The following EML5 variants were observed in gnomAD, a reference collection of about 807,000 sequenced individuals.
EML5 encodes the protein EMAP like 5, also known as echinoderm microtubule-associated protein-like 5.
A neutral mutation model predicts 250.0 loss-of-function variants in EML5; 120 were observed. The ratio of observed to expected loss-of-function variants is 0.48; its 90% CI spans 0.41 to 0.56. EML5 has a LOEUF of 0.56. Ranked by LOEUF, EML5 falls within the 20% of genes least tolerant of loss-of-function variation. The probability of loss-of-function intolerance (pLI) is 0.00; values close to 1 mark genes in which losing one functional copy is unlikely to be tolerated. For missense variants in EML5, 2,006 were observed against 2,437.6 expected, an observed-to-expected ratio of 0.82 and a Z score of 3.73; for synonymous variants, 771 against 806.5, an observed-to-expected ratio of 0.96 and a Z score of 0.75.
At chr14:88,707,872 C>G (rs2093344744) in intron 10 of EML5, among the ~76,000 whole-genome samples, 1 of 152,172 alleles carries the variant, frequency 6.6e-6, no homozygotes, top group South Asian at 2.1e-4. Flanking sequence ...GCTACTACTA[C>G]TACCTTTGAT....
rs376073448 is a variant in EML5 at position 88,618,239 on chromosome 14, A to G, written c.5631T>C (p.Ala1877=). ...DHAAIDRITW[A]TWTSILGDEV... is the part of the protein sequence containing the mutation. The stretch of plus-strand genomic sequence containing the variant: ...ATATAAGTATTTACCTAGTCCATGT[A>G]GCCCAAGTAATTCTGTCAATAGCGG... The change falls in exon 41 of 44, where the codon GCT becomes GCC. Residue 1877 remains alanine, a synonymous_variant. Transcript: ENST00000554922. 16 of 1,613,696 alleles carry G rather than the reference A, an allele frequency of 9.9e-6. No homozygotes were observed. Among genetic ancestry groups the G allele is most frequent in the Non-Finnish European group, 1.2e-5 (14 of 1,179,770 alleles).
At position 88,642,944 on chromosome 14, in the gene EML5, C is replaced by A; in HGVS notation, c.4186G>T (p.Asp1396Tyr). Residue 1396 changes from aspartate (D) to tyrosine (Y), a missense_variant, in exon 31 of 44, where the codon GAT becomes TAT. Coordinates refer to ENST00000554922, the MANE Select transcript of EML5 (RefSeq NM_183387.3). ...NNVHYLNDGD[D>Y]IIYHTASVGI... ...ACAGATGCAGTGTGATAAATTATATCATCACCATCATTTAAATAGTGAACA... is the reference window on the plus strand; with the variant it reads ...ACAGATGCAGTGTGATAAATTATATAATCACCATCATTTAAATAGTGAACA... The A allele has an allele frequency of 6.2e-7, 1 of 1,606,012 alleles. No homozygotes were observed. The highest frequency in any genetic ancestry group is 1.1e-5 in the South Asian group (1 of 88,978).
At chr14:88,648,469 A>G (rs2091462066) in intron 28 of EML5, among the ~76,000 whole-genome samples, 1 of 152,054 alleles carries the variant, frequency 6.6e-6, no homozygotes, top group Non-Finnish European at 1.5e-5. Context: ...TCTTCCTGCC[A>G]CAGCATCCCA....
Position 88,723,417 on chromosome 14 carries a change from A to G in EML5, c.1187+3124T>C, listed in dbSNP as rs926577731. 2.0e-5 allele frequency among the ~76,000 whole-genome samples: 3 copies of G among 152,204 alleles called. No individual in the cohort carries two copies. In the East Asian group the frequency reaches 5.8e-4, roughly 29 times the overall value. ...TCTAAAAAAGTCAAACATAGCAGAGAGTAGATTGGTGGTTAACAGGGATTA... is the reference window on the plus strand; with the variant it reads ...TCTAAAAAAGTCAAACATAGCAGAGGGTAGATTGGTGGTTAACAGGGATTA... On this transcript the variant is annotated intron_variant, in intron 8 of 43. Transcript: ENST00000554922.
At chr14:88,718,612 T>C (rs887415574) in intron 8 of EML5, among the ~76,000 whole-genome samples, 2 of 152,148 alleles carry the variant, frequency 1.3e-5, no homozygotes, top group Admixed American at 1.3e-4. Flanking sequence ...AGGGTACAAT[T>C]AGTCAGTGTT....
chr14:88,741,175 AT>A (rs199563602), intron 4 of EML5, among the ~76,000 whole-genome samples: 2 of 151,976 alleles, frequency 1.3e-5, no homozygotes, highest in African/African-American at 4.8e-5. Flanking sequence ...AAAAAAAAAA[AT>A]TTTAGGTTAA....
At position 88,642,527 on chromosome 14, in the gene EML5, C is replaced by T. The variant is rs138263201; in HGVS notation, c.4237+366G>A. Among the ~76,000 whole-genome samples the T allele has an allele frequency of 1.1e-4, 17 of 152,256 alleles. No individual in the cohort carries two copies. The East Asian group carries it at 3.3e-3, about 29-fold the overall frequency. On this transcript the variant is annotated intron_variant, in intron 31 of 43. Coordinates refer to ENST00000554922, the MANE Select transcript of EML5 (RefSeq NM_183387.3). ...TCACCCAACATGCTACATTCAATCA[C>T]TATCAGAAACCACCATCCAAACCAT...
At chr14:88,640,440 C>T (rs1194850337) in intron 31 of EML5, among the ~76,000 whole-genome samples, 3 of 151,964 alleles carry the variant, frequency 2.0e-5, no homozygotes, top group African/African-American at 7.3e-5. Flanking sequence ...ATAACTTGCT[C>T]CTGAATGACT....
intron 8 of EML5, among the ~76,000 whole-genome samples, chr14:88,716,787 T>C (rs753540032): frequency 7.3e-5 from 11 of 150,448 alleles, no homozygotes; most frequent in South Asian, 2.1e-4. Flanking sequence ...CAGAGAGAGA[T>C]TGTGGTTGAC....
At chr14:88,706,023 T>C in intron 11 of EML5, 2 of 551,886 alleles carry the variant, frequency 3.6e-6, no homozygotes, top group Non-Finnish European at 6.4e-6. Flanking sequence ...AATATAACTG[T>C]TTCTTCACTC....
chr14:88,635,737 A>C (rs1268687257), intron 32 of EML5, among the ~76,000 whole-genome samples: 1 of 152,066 alleles, frequency 6.6e-6, no homozygotes, highest in African/African-American at 2.4e-5. Context: ...TATGAACTGG[A>C]TGTCTGTCTT....
At chr14:88,651,137 T>C (rs1032218375) in intron 27 of EML5, among the ~76,000 whole-genome samples, 12 of 149,390 alleles carry the variant, frequency 8.0e-5, no homozygotes, top group African/African-American at 3.0e-4. Flanking sequence ...CATTGATGAC[T>C]TCTGCCTTGT....
chr14:88,669,289 G>C (rs912446804), intron 21 of EML5, among the ~76,000 whole-genome samples: 9 of 152,168 alleles, frequency 5.9e-5, no homozygotes, highest in African/African-American at 1.9e-4. Flanking sequence ...CCAAGTTCCT[G>C]GGGGAAGGGA....
intron 27 of EML5, 125 bp downstream of exon 27, chr14:88,657,251 C>T (rs2091906518): frequency 1.1e-6 from 1 of 907,324 alleles, no homozygotes; most frequent in East Asian, 2.8e-5. Context: ...CTAAGAGGTG[C>T]TGTGAATTGT....
chr14:88,776,718 C>CAAA (rs35613883), intron 1 of EML5, among the ~76,000 whole-genome samples: 6 of 144,912 alleles, frequency 4.1e-5, no homozygotes, highest in African/African-American at 1.5e-4. Context: ...CTGTCTCTAC[C>CAAA]AAAAAAAAAA....
At chr14:88,666,779 T>C (rs1947560997) in intron 21 of EML5, among the ~76,000 whole-genome samples, 2 of 151,984 alleles carry the variant, frequency 1.3e-5, no homozygotes, top group African/African-American at 4.8e-5. Context: ...CCCTAAGGAT[T>C]TTGGTATCTT....
At chr14:88,628,072 GC>G in intron 33 of EML5, 2 of 492,110 alleles carry the variant, frequency 4.1e-6, no homozygotes, top group Non-Finnish European at 7.4e-6. Flanking sequence ...TGGAAAAACA[GC>G]ATTTAGACAA....
At chr14:88,671,312 T>C (rs771785208) in intron 21 of EML5, among the ~76,000 whole-genome samples, 1 of 152,070 alleles carries the variant, frequency 6.6e-6, no homozygotes, top group East Asian at 1.9e-4. Flanking sequence ...CTAAGCCTCA[T>C]AAGTGAAGGA....
Position 88,621,304 on chromosome 14 carries a change from G to A in EML5, c.5014-3C>T, listed in dbSNP as rs374230213. On this transcript the variant is annotated splice_polypyrimidine_tract_variant and splice_region_variant and intron_variant, in intron 37 of 43. Coordinates refer to ENST00000554922, the MANE Select transcript of EML5 (RefSeq NM_183387.3). Reference sequence around the variant, plus strand: ...CTTGTCCCAACAAGGATCTTGCCCTGAAACACAAGCAGGACCAATACAGTG... The same window carrying A: ...CTTGTCCCAACAAGGATCTTGCCCTAAAACACAAGCAGGACCAATACAGTG... 4.4e-5 allele frequency: 71 copies of A among 1,613,748 alleles called. No homozygotes were observed. In the African/African-American group the frequency reaches 6.8e-4, roughly 15 times the overall value.
Sources: allele counts gnomAD v4.1 joint callset (sites outside exome capture counted in the v4.1 genomes callset), GRCh38; gene constraint gnomAD v4.1.1; transcripts MANE v1.5; gene names NCBI Gene and HGNC (gene_info 2026-07-23, HGNC 2026-07-21).